DNAH17: variants seen among roughly 807,000 people sequenced by gnomAD.
DNAH17 encodes axonemal beta dynein heavy chain 17.
Under a neutral mutation model 485.6 loss-of-function variants are expected in DNAH17, and 376 were observed. The ratio of observed to expected loss-of-function variants is 0.77; its 90% CI spans 0.71 to 0.84. The LOEUF (loss-of-function observed/expected upper bound fraction) is 0.84. Among genes scored for constraint, DNAH17 ranks in the 40% least tolerant of loss-of-function variants. DNAH17 has a pLI of 0.00. For synonymous variants in DNAH17, 3,031 were observed against 2,405.9 expected (o/e 1.26, Z -7.60); for missense variants, 6,370 against 5,839.3 (o/e 1.09, Z -2.96).
chr17:78,435,592 T>A (rs2086828805), intron 74 of DNAH17, among the ~76,000 whole-genome samples: 1 of 152,234 alleles, frequency 6.6e-6, no homozygotes. Context: ...GATCCCTGTC[T>A]GTCGCTGACT....
At chr17:78,506,911 C>A in intron 29 of DNAH17, 65 bp from the exon 30 acceptor site, 1 of 1,596,734 alleles carries the variant, frequency 6.3e-7, no homozygotes, top group East Asian at 2.2e-5. Context: ...CTGCCACCCA[C>A]CCTGTCGGCG....
chr17:78,543,727 G>C, intron 17 of DNAH17, 130 bp downstream of exon 17: 1 of 1,409,532 alleles, frequency 7.1e-7, no homozygotes. Flanking sequence ...ATCCAGCCAG[G>C]TCACAGACTT....
At chr17:78,436,892 G>A (rs1001071415) in intron 74 of DNAH17, among the ~76,000 whole-genome samples, 8 of 152,162 alleles carry the variant, frequency 5.3e-5, no homozygotes, top group Non-Finnish European at 8.8e-5. Context: ...ACGTGGCCAG[G>A]AAGGCTGTGG....
chr17:78,436,660 A>G (rs1325267405), intron 74 of DNAH17, among the ~76,000 whole-genome samples: 1 of 152,124 alleles, frequency 6.6e-6, no homozygotes, highest in Non-Finnish European at 1.5e-5. Context: ...CCTGGCCAAC[A>G]TAGCGAAATC....
chr17:78,484,870 G>A lies in DNAH17; in HGVS notation c.7647C>T (p.His2549=). The change falls in exon 48 of 81, where the codon CAC becomes CAT. Residue 2549 remains histidine (H), a splice_region_variant and synonymous_variant. Coordinates refer to ENST00000389840, the MANE Select transcript of DNAH17 (RefSeq NM_173628.4). ...CCTCCGGCCCCGCCCCGTCTAACCA[G>A]TGCCGGTGGTCCATGTGCTGCCGGA... ...TLIRQHMDHR[H]WYDRHKLTLK... 6.4e-7 allele frequency: 1 copy of A among 1,557,358 alleles called. No individual in the cohort carries two copies. Among genetic ancestry groups the A allele is most frequent in the South Asian group, 1.2e-5 (1 of 84,596 alleles).
intron 11 of DNAH17, among the ~76,000 whole-genome samples, chr17:78,563,846 T>C (rs543105734): frequency 2.0e-4 from 30 of 152,266 alleles, no homozygotes; most frequent in African/African-American, 7.2e-4. Flanking sequence ...AAAATGTTCT[T>C]AGGTCAAAGA....
intron 25 of DNAH17, among the ~76,000 whole-genome samples, chr17:78,517,452 C>T (rs1323699206): frequency 6.6e-6 from 1 of 152,226 alleles, no homozygotes; most frequent in Non-Finnish European, 1.5e-5. Flanking sequence ...CATATGCACA[C>T]ACACAGAAGA....
chr17:78,495,816 G>T, intron 38 of DNAH17, 59 bp downstream of exon 38: 4 of 1,573,940 alleles, frequency 2.5e-6, no homozygotes, highest in Non-Finnish European at 3.5e-6. Context: ...TTGGCACTGG[G>T]ACGTTGCTGT....
intron 10 of DNAH17, 64 bp from the exon 11 acceptor site, chr17:78,566,794 C>A: frequency 7.2e-7 from 1 of 1,391,282 alleles, no homozygotes; most frequent in Non-Finnish European, 9.9e-7. Flanking sequence ...GGCACCCTCT[C>A]CAGCCCCTGC....
Position 78,530,364 on chromosome 17 carries a change from A to G in DNAH17, c.3263T>C (p.Leu1088Pro), listed in dbSNP as rs1173148689. ...RRWGFMFKRH[L>P]SNHVTNSLAD... ...CCACCTGTTGGTGACGTGGTTGCTC[A>G]GGTGCCGCTTGAACATGAAGCCCCA... Residue 1088 changes from leucine (L) to proline (P), a missense_variant, in exon 21 of 81, where the codon CTG (leucine) becomes CCG (proline). Coordinates refer to ENST00000389840, the MANE Select transcript of DNAH17 (RefSeq NM_173628.4). The G allele has an allele frequency of 1.9e-6, 3 of 1,610,178 alleles. No individual in the cohort carries two copies. Among genetic ancestry groups the G allele is most frequent in the East Asian group, 4.5e-5 (2 of 44,756 alleles).
At chr17:78,431,525 T>C (rs1159359801) in intron 75 of DNAH17, among the ~76,000 whole-genome samples, 1 of 151,792 alleles carries the variant, frequency 6.6e-6, no homozygotes, top group African/African-American at 2.4e-5. Context: ...TGCTCTGTGT[T>C]TCAAAGCAAC....
chr17:78,525,070 T>G lies in DNAH17; in HGVS notation c.3803A>C (p.Gln1268Pro), dbSNP rs1230858783. 5 of 1,613,780 alleles carry G rather than the reference T, an allele frequency of 3.1e-6. No individual in the cohort carries two copies. ...GACCTCCCGGTGGCAGGCCTTGAGC[T>G]GCTTGTAGTCTGGGACGGGGACCTC... ...LFEVPVPDYKQLKACHREVRL... is the reference protein window; with the variant it reads ...LFEVPVPDYKPLKACHREVRL... The change falls in exon 25 of 81, where the codon CAG (glutamine) becomes CCG (proline). Residue 1268 changes from glutamine to proline, a missense_variant. Gln to Pro is a moderately conservative substitution (Grantham distance 76). Transcript: ENST00000389840.
At position 78,450,758 on chromosome 17, in the gene DNAH17, C is replaced by T. The variant is rs766260760; in HGVS notation, c.10823G>A (p.Gly3608Glu). ...CAAGGCCGTGTCTCCCAGAAAGTTCCCCGACGCAGCCGACAGACGGGCCAG... is the reference window on the plus strand; with the variant it reads ...CAAGGCCGTGTCTCCCAGAAAGTTCTCCGACGCAGCCGACAGACGGGCCAG... ...SLLARLSAAS[G>E]NFLGDTALVE... Residue 3608 changes from glycine (G) to glutamate (E), a missense_variant, in exon 67 of 81, where the codon GGG becomes GAG. Coordinates refer to ENST00000389840, the MANE Select transcript of DNAH17 (RefSeq NM_173628.4). The T allele has an allele frequency of 1.2e-6, 2 of 1,613,940 alleles. No homozygotes were observed. Among genetic ancestry groups the T allele is most frequent in the East Asian group, 4.5e-5 (2 of 44,894 alleles).
At chr17:78,567,622 G>C (rs1323278190) in intron 9 of DNAH17, among the ~76,000 whole-genome samples, 1 of 152,168 alleles carries the variant, frequency 6.6e-6, no homozygotes, top group Non-Finnish European at 1.5e-5. Flanking sequence ...TCCCGAAGGT[G>C]ATCCAAGAAG....
Position 78,529,535 on chromosome 17 carries a change from T to C in DNAH17, c.3444A>G (p.Gln1148=), listed in dbSNP as rs548461849. 3 of 1,613,906 alleles carry C rather than the reference T, an allele frequency of 1.9e-6. No homozygotes were observed. Among genetic ancestry groups the C allele is most frequent in the Non-Finnish European group, 2.5e-6 (3 of 1,179,858 alleles). ...ATDNMFEPLK[Q]TIELLKTYGE... ...CGTAGGTCTTGAGCAGCTCGATGGT[T>C]TGCTTCAGGGGCTCAAACATGTTGT... Residue 1148 remains glutamine (Q), a synonymous_variant, in exon 22 of 81, where the codon CAA becomes CAG. Transcript: ENST00000389840.
At chr17:78,464,736 C>A (rs75360556) in intron 56 of DNAH17, among the ~76,000 whole-genome samples, 114 of 152,350 alleles carry the variant, frequency 7.5e-4, no homozygotes, top group African/African-American at 2.7e-3. Flanking sequence ...TCTGTCCGCA[C>A]GCTGCATGTC....
Position 78,486,092 on chromosome 17 carries a change from G to A in DNAH17, c.7143C>T (p.Asn2381=), listed in dbSNP as rs371768585. The change falls in exon 46 of 81, where the codon AAC becomes AAT. Residue 2381 remains asparagine, a synonymous_variant. Transcript: ENST00000389840. ...AGGGGAACTTGATAGTCTTGAATTCGTTGATCCACCATTTACTGAACTCCA... is the reference window on the plus strand; with the variant it reads ...AGGGGAACTTGATAGTCTTGAATTCATTGATCCACCATTTACTGAACTCCA... The part of the protein sequence containing the change: ...YRVEFSKWWI[N]EFKTIKFPSQ... 3.5e-5 allele frequency: 56 copies of A among 1,613,756 alleles called. No homozygotes were observed. The highest frequency in any genetic ancestry group is 4.3e-5 in the Non-Finnish European group (51 of 1,179,866).
At chr17:78,544,417 G>A (rs2091694485) in intron 16 of DNAH17, among the ~76,000 whole-genome samples, 1 of 152,148 alleles carries the variant, frequency 6.6e-6, no homozygotes, top group Admixed American at 6.5e-5. Context: ...TCCCTTTTGT[G>A]GGGGCCACTG....
rs752689918 is a variant in DNAH17, at chr17:78,569,400, C to T, written c.1172G>A (p.Cys391Tyr). 13 of 1,613,106 alleles carry T rather than the reference C, an allele frequency of 8.1e-6. No individual in the cohort carries two copies. The East Asian group carries it at 2.5e-4, about 30-fold the overall frequency. The change falls in exon 8 of 81, where the codon TGC becomes TAC. Residue 391 changes from cysteine to tyrosine, a missense_variant. Physicochemically the swap from Cys to Tyr is radical, Grantham distance 194 (BLOSUM62 -2). Coordinates refer to ENST00000389840, the MANE Select transcript of DNAH17 (RefSeq NM_173628.4). Reference sequence around the variant, plus strand: ...CTTAAAGAAAAGCTTCATGTTCACGCAGCAGAAGTCGTACGTCTGGTAGAG... The same window carrying T: ...CTTAAAGAAAAGCTTCATGTTCACGTAGCAGAAGTCGTACGTCTGGTAGAG... ...KELYQTYDFC[C>Y]VNMKLFFKDK...
Sources: allele counts gnomAD v4.1 joint callset (sites outside exome capture counted in the v4.1 genomes callset), GRCh38; gene constraint gnomAD v4.1.1; transcripts MANE v1.5; gene names NCBI Gene and HGNC (gene_info 2026-07-23, HGNC 2026-07-21).